The following NT5DC1 variants were observed in gnomAD, a reference collection of about 807,000 sequenced individuals.
NT5DC1 encodes the protein 5'-nucleotidase domain containing 1.
A neutral mutation model predicts 59.4 loss-of-function variants in NT5DC1; 42 were observed. That is an observed-to-expected ratio of 0.71 (90% CI 0.55 to 0.92). The LOEUF (loss-of-function observed/expected upper bound fraction) is 0.92, where lower values mean the gene tolerates loss of function less well. NT5DC1 is among the 40% of genes least tolerant of loss of function. The probability of loss-of-function intolerance (pLI) is 0.00; values close to 1 mark genes in which losing one functional copy is unlikely to be tolerated. For synonymous variants in NT5DC1, 172 were observed against 188.1 expected (o/e 0.91, Z 0.70); for missense variants, 501 against 537.1 (o/e 0.93, Z 0.66).
intron 6 of NT5DC1, among the ~76,000 whole-genome samples, chr6:116,160,440 G>A (rs190424309): frequency 5.3e-5 from 8 of 151,710 alleles, no homozygotes; most frequent in Non-Finnish European, 7.4e-5. Context: ...GTTCATATCC[G>A]TTTGTCTACT....
chr6:116,129,410 G>T (rs1438669671), intron 6 of NT5DC1, among the ~76,000 whole-genome samples: 1 of 152,176 alleles, frequency 6.6e-6, no homozygotes, highest in Admixed American at 6.5e-5. Flanking sequence ...AACAGTTTTG[G>T]CAAGTGGGAT....
At chr6:116,193,578 T>C (rs1212829018) in intron 6 of NT5DC1, among the ~76,000 whole-genome samples, 2 of 152,100 alleles carry the variant, frequency 1.3e-5, no homozygotes, top group Non-Finnish European at 2.9e-5. Flanking sequence ...TTTCATAAAC[T>C]GAAAGTCACT....
intron 6 of NT5DC1, among the ~76,000 whole-genome samples, chr6:116,147,103 A>C (rs1446318059): frequency 1.3e-5 from 2 of 151,882 alleles, no homozygotes; most frequent in African/African-American, 4.8e-5. Flanking sequence ...CAATATTAAA[A>C]AAAAACTGCA....
intron 10 of NT5DC1, 40 bp from the exon 11 acceptor site, chr6:116,238,915 A>T: frequency 1.6e-6 from 2 of 1,247,006 alleles, no homozygotes; most frequent in Non-Finnish European, 2.3e-6. Flanking sequence ...ATTGAACATT[A>T]GTTAATCACC....
At chr6:116,242,749 G>A (rs1322274494) in intron 11 of NT5DC1, among the ~76,000 whole-genome samples, 1 of 152,124 alleles carries the variant, frequency 6.6e-6, no homozygotes, top group Non-Finnish European at 1.5e-5. Flanking sequence ...CTTTCCGCTT[G>A]GATTCTTAGT....
At chr6:116,173,843 T>C (rs1780672678) in intron 6 of NT5DC1, among the ~76,000 whole-genome samples, 1 of 152,184 alleles carries the variant, frequency 6.6e-6, no homozygotes, top group Non-Finnish European at 1.5e-5. Context: ...GGCACATTCC[T>C]ATTAACTAAC....
chr6:116,150,556 AT>A (rs1370921593), intron 6 of NT5DC1, among the ~76,000 whole-genome samples: 3 of 152,208 alleles, frequency 2.0e-5, no homozygotes, highest in Non-Finnish European at 4.4e-5. Context: ...AAACGCTGGG[AT>A]TACAGGCGTG....
intron 6 of NT5DC1, among the ~76,000 whole-genome samples, chr6:116,170,783 A>G (rs547691505): frequency 6.6e-6 from 1 of 152,292 alleles, no homozygotes; most frequent in East Asian, 1.9e-4. Context: ...AAAATACTGC[A>G]TAGTACCTTC....
intron 8 of NT5DC1, among the ~76,000 whole-genome samples, chr6:116,235,196 A>G (rs1195290154): frequency 6.6e-6 from 1 of 152,144 alleles, no homozygotes; most frequent in East Asian, 1.9e-4. Flanking sequence ...GAGTCTTTTC[A>G]GAAGTATTTC....
At chr6:116,134,025 G>A (rs866847451) in intron 6 of NT5DC1, among the ~76,000 whole-genome samples, 2 of 152,074 alleles carry the variant, frequency 1.3e-5, no homozygotes, top group Non-Finnish European at 2.9e-5. Context: ...CTAATCAGGC[G>A]GAAGTTTAGA....
rs1328264863 is a variant in NT5DC1, at chr6:116,249,474, G to A, written c.*5450G>A. 2 of 152,142 alleles carry A rather than the reference G, an allele frequency of 1.3e-5. No homozygotes were observed. Among genetic ancestry groups the A allele is most frequent in the Non-Finnish European group, 2.9e-5 (2 of 68,022 alleles). The allele number at this position is 152,142 out of a possible 1,614,324, so 9.4% of individuals were successfully genotyped here. A position where few individuals can be genotyped will look rare whatever the true frequency, so the allele number is the denominator to read the frequency against. Reference sequence around the variant, plus strand: ...GCTATACAGCAAAACTATCATTACCGGTAATTAAAGTTGTGATACCTGATA... The same window carrying A: ...GCTATACAGCAAAACTATCATTACCAGTAATTAAAGTTGTGATACCTGATA... On this transcript the variant is annotated 3_prime_UTR_variant, in exon 12 of 12. Coordinates refer to ENST00000319550, the MANE Select transcript of NT5DC1 (RefSeq NM_152729.3).
At chr6:116,115,274 G>A (rs1037333284) in intron 4 of NT5DC1, among the ~76,000 whole-genome samples, 3 of 152,156 alleles carry the variant, frequency 2.0e-5, no homozygotes, top group Non-Finnish European at 2.9e-5. Context: ...TCTAGGAGGG[G>A]TCAGCCAACC....
rs566937288 is a variant in NT5DC1 at position 116,119,758 on chromosome 6, T to A, written c.529+1813T>A. The stretch of plus-strand genomic sequence containing the variant: ...GCTCTATTTCTGTTTTTTTTTTTAA[T>A]TTTTTTTTTGTTGTTTGTTTTTTGT... On this transcript the variant is annotated intron_variant, in intron 6 of 11. Transcript: ENST00000319550. 559 of 200,764 alleles carry A rather than the reference T, an allele frequency of 2.8e-3. 11 individuals are homozygous for A. In the South Asian group the frequency reaches 0.039, roughly 14 times the overall value. 12.4% of individuals were successfully genotyped at this position (200,764 alleles called of 1,614,324 possible). A position where few individuals can be genotyped will look rare whatever the true frequency, so the allele number is the denominator to read the frequency against.
intron 6 of NT5DC1, among the ~76,000 whole-genome samples, chr6:116,154,356 C>G (rs529129455): frequency 6.6e-6 from 1 of 152,026 alleles, no homozygotes; most frequent in Admixed American, 6.6e-5. Flanking sequence ...ATCCTAACAC[C>G]GTCCATGGTC....
intron 6 of NT5DC1, among the ~76,000 whole-genome samples, chr6:116,178,497 C>T (rs1780802185): frequency 6.6e-6 from 1 of 152,164 alleles, no homozygotes; most frequent in African/African-American, 2.4e-5. Context: ...GAGATTACTG[C>T]AATGAAGCAG....
At chr6:116,120,931 A>ACCTGGTTTTCCTGGGTAC (rs1779099963) in intron 6 of NT5DC1, 1 of 1,613,440 alleles carries the variant, frequency 6.2e-7, no homozygotes, top group African/African-American at 1.3e-5. Flanking sequence ...GACCATCGAG[A>ACCTGGTTTTCCTGGGTAC]CCTGGTTTTC....
chr6:116,223,713 T>TG, intron 8 of NT5DC1, among the ~76,000 whole-genome samples: 2 of 152,356 alleles, frequency 1.3e-5, no homozygotes, highest in Admixed American at 1.3e-4. Flanking sequence ...TTATAGTTTT[T>TG]GGGGAGTGAA....
rs775695170 is a variant in NT5DC1 at position 116,108,342 on chromosome 6, TAATC to T, written c.186-19_186-16del. ...TTAGCTAAATATAGGAATTGATTAA[TAATC>T]AAACTTTCCTATTTCAGTTGCAAAG... is the stretch of plus-strand genomic sequence containing the variant. On this transcript the variant is annotated intron_variant, in intron 2 of 11. Transcript: ENST00000319550. 3 of 1,490,042 alleles carry T rather than the reference TAATC, an allele frequency of 2.0e-6. No individual in the cohort carries two copies. The African/African-American group carries it at 4.1e-5, about 21-fold the overall frequency. The allele number at this position is 1,490,042 out of a possible 1,614,324, so 92.3% of individuals were successfully genotyped here. A position where few individuals can be genotyped will look rare whatever the true frequency, so the allele number is the denominator to read the frequency against.
At chr6:116,129,200 A>C (rs1278514360) in intron 6 of NT5DC1, among the ~76,000 whole-genome samples, 1 of 152,236 alleles carries the variant, frequency 6.6e-6, no homozygotes, top group African/African-American at 2.4e-5. Flanking sequence ...TGTAGTTCAC[A>C]TACATATATA....
Sources: allele counts gnomAD v4.1 joint callset (sites outside exome capture counted in the v4.1 genomes callset), GRCh38; gene constraint gnomAD v4.1.1; transcripts MANE v1.5; gene names NCBI Gene and HGNC (gene_info 2026-07-23, HGNC 2026-07-21).